The following CYSLTR2 variants were observed in gnomAD, a reference collection of about 807,000 sequenced individuals.
The protein encoded by CYSLTR2 is G-protein coupled receptor GPCR21.
For synonymous variants in CYSLTR2, 179 were observed against 160.8 expected (o/e 1.11, Z -0.86); for missense variants, 398 against 411.9 (o/e 0.97, Z 0.29).
rs57791346 is a variant in CYSLTR2 at position 48,668,234 on chromosome 13, TA to T, written c.-266+14229del. Among the ~76,000 whole-genome samples, 1,286 of 136,096 alleles carry T rather than the reference TA, an allele frequency of 9.4e-3. 14 individuals carry two copies. The highest frequency in any genetic ancestry group is 0.028 in the African/African-American group (1,050 of 37,276). 89.3% of individuals were successfully genotyped at this position (136,096 alleles called of 152,430 possible). On this transcript the variant is annotated intron_variant, in intron 1 of 4. Transcript: ENST00000682523. ...AGTTTTTATACAAGTGCCATAGGGATAAAAAAAAAAAAGAGAGACCCACGGG... is the reference window on the plus strand; with the variant it reads ...AGTTTTTATACAAGTGCCATAGGGATAAAAAAAAAAAGAGAGACCCACGGG...
At chr13:48,664,806 T>C (rs1953219687) in intron 1 of CYSLTR2, among the ~76,000 whole-genome samples, 2 of 152,070 alleles carry the variant, frequency 1.3e-5, no homozygotes, top group Middle Eastern at 6.8e-3. Context: ...TTTTTAAGTA[T>C]CAATTTTATA....
chr13:48,657,439 C>A (rs542057244), intron 1 of CYSLTR2, among the ~76,000 whole-genome samples: 2 of 149,538 alleles, frequency 1.3e-5, no homozygotes, highest in Non-Finnish European at 3.0e-5. Context: ...GGAGAGGTTT[C>A]AAAAAAGTAC....
chr13:48,673,626 AAG>A (rs1953511703), intron 1 of CYSLTR2, among the ~76,000 whole-genome samples: 1 of 151,956 alleles, frequency 6.6e-6, no homozygotes, highest in Non-Finnish European at 1.5e-5. Context: ...ATTTACATTT[AAG>A]GTTAATATTG....
rs138445904 is a variant in CYSLTR2 at position 48,671,785 on chromosome 13, G to A, written c.-266+17768G>A. Among the ~76,000 whole-genome samples the A allele has an allele frequency of 6.6e-4, 100 of 152,254 alleles. 1 individual carries two copies. The East Asian group carries it at 0.013, about 20-fold the overall frequency. On this transcript the variant is annotated intron_variant, in intron 1 of 4. Coordinates refer to ENST00000682523, the MANE Select transcript of CYSLTR2 (RefSeq NM_001308476.3). ...CAGGTTTTAGCATCAGGATGATGCT[G>A]GACTCATAAAATGAGTTAGGGAGAG...
intron 3 of CYSLTR2, among the ~76,000 whole-genome samples, chr13:48,694,411 T>A (rs1954114203): frequency 6.6e-6 from 1 of 152,210 alleles, no homozygotes; most frequent in Admixed American, 6.5e-5. Flanking sequence ...AGACAGATCA[T>A]AGAACAGATG....
rs1954579854 is a variant in CYSLTR2 at position 48,709,243 on chromosome 13, C to T, written c.*1385C>T. ...TTCCTACCAATTTCCTCCCCCTCCT[C>T]ACTCTCACAAGAAAACCAAAAGTTT... On this transcript the variant is annotated 3_prime_UTR_variant, in exon 5 of 5. Transcript: ENST00000682523. The T allele has an allele frequency of 6.0e-6, 1 of 167,104 alleles. No homozygotes were observed. Among genetic ancestry groups the T allele is most frequent in the Non-Finnish European group, 1.5e-5 (1 of 68,130 alleles). The allele number at this position is 167,104 out of a possible 1,614,324, so 10.4% of individuals were successfully genotyped here. A position where few individuals can be genotyped will look rare whatever the true frequency, so the allele number is the denominator to read the frequency against.
At position 48,674,444 on chromosome 13, in the gene CYSLTR2, T is replaced by G. The variant is rs1451646954; in HGVS notation, c.-265-16768T>G. Among the ~76,000 whole-genome samples, 3 of 152,232 alleles carry G rather than the reference T, an allele frequency of 2.0e-5. No individual in the cohort carries two copies. In the East Asian group the frequency reaches 5.8e-4, roughly 29 times the overall value. On this transcript the variant is annotated intron_variant, in intron 1 of 4. Coordinates refer to ENST00000682523, the MANE Select transcript of CYSLTR2 (RefSeq NM_001308476.3). ...GATACTTGTATATGCTTCATAAAGTTCTCGTGCTGTGTTCTTCAGCTCCAT... is the reference window on the plus strand; with the variant it reads ...GATACTTGTATATGCTTCATAAAGTGCTCGTGCTGTGTTCTTCAGCTCCAT...
chr13:48,661,571 C>G (rs1427427458), intron 1 of CYSLTR2, among the ~76,000 whole-genome samples: 1 of 151,706 alleles, frequency 6.6e-6, no homozygotes, highest in Non-Finnish European at 1.5e-5. Flanking sequence ...TGAGACAACT[C>G]ACATTTATTA....
At chr13:48,694,909 A>T (rs995291633) in intron 3 of CYSLTR2, 2 of 152,060 alleles carry the variant, frequency 1.3e-5, no homozygotes, top group African/African-American at 4.8e-5. Flanking sequence ...TTTGCAATCA[A>T]AATTGCAGGG....
chr13:48,665,345 G>T (rs1953234591), intron 1 of CYSLTR2, among the ~76,000 whole-genome samples: 1 of 152,032 alleles, frequency 6.6e-6, no homozygotes, highest in South Asian at 2.1e-4. Flanking sequence ...GGTGTATGGG[G>T]CCATTTAAAT....
chr13:48,691,842 A>G (rs115812789), intron 2 of CYSLTR2, among the ~76,000 whole-genome samples: 4,481 of 152,178 alleles, frequency 0.029, 237 homozygotes, highest in African/African-American at 0.1. Context: ...TTACTTAAAT[A>G]TAATTAACAG....
At chr13:48,694,597 G>A (rs540698961) in intron 3 of CYSLTR2, 6 of 152,178 alleles carry the variant, frequency 3.9e-5, no homozygotes, top group Non-Finnish European at 8.8e-5. Context: ...TCATTACTGA[G>A]TCAAGGGTAC....
intron 1 of CYSLTR2, among the ~76,000 whole-genome samples, chr13:48,668,404 G>A (rs1006252034): frequency 5.9e-5 from 9 of 152,162 alleles, no homozygotes; most frequent in Admixed American, 2.6e-4. Context: ...AGAGAGTGGC[G>A]TGAAAGGCAC....
chr13:48,705,202 C>A (rs957140094), intron 4 of CYSLTR2, among the ~76,000 whole-genome samples: 2 of 152,122 alleles, frequency 1.3e-5, no homozygotes, highest in African/African-American at 4.8e-5. Flanking sequence ...ATGTCATTTG[C>A]TTTGAAGTCC....
chr13:48,684,705 C>A lies in CYSLTR2; in HGVS notation c.-265-6507C>A, dbSNP rs766288386. On this transcript the variant is annotated intron_variant, in intron 1 of 4. Coordinates refer to ENST00000682523, the MANE Select transcript of CYSLTR2 (RefSeq NM_001308476.3). The stretch of plus-strand genomic sequence containing the variant: ...GTACCCCCAAACAATATGTCCAAGT[C>A]CTAACCCCAGGTACCTGTGAAAGTG... Among the ~76,000 whole-genome samples the A allele has an allele frequency of 3.8e-4, 58 of 152,138 alleles. No homozygotes were observed. In the Middle Eastern group the frequency reaches 0.017, roughly 45 times the overall value.
chr13:48,677,672 C>G (rs952749670), intron 1 of CYSLTR2, among the ~76,000 whole-genome samples: 1 of 152,134 alleles, frequency 6.6e-6, no homozygotes, highest in Non-Finnish European at 1.5e-5. Flanking sequence ...AAGTACACAT[C>G]CTCTCTCCCT....
At chr13:48,691,367 C>G (rs1954034302) in intron 2 of CYSLTR2, 66 bp downstream of exon 2, 3 of 152,018 alleles carry the variant, frequency 2.0e-5, no homozygotes, top group Admixed American at 6.6e-5. Flanking sequence ...TAGGGTGTTA[C>G]AGTGATGAAT....
intron 4 of CYSLTR2, among the ~76,000 whole-genome samples, chr13:48,703,207 G>C (rs1954395022): frequency 6.6e-6 from 1 of 152,132 alleles, no homozygotes; most frequent in Non-Finnish European, 1.5e-5. Context: ...GCACGTATGT[G>C]TATGTTTGTA....
rs961579509 is a variant in CYSLTR2, at chr13:48,671,988, C to G, written c.-266+17971C>G. On this transcript the variant is annotated intron_variant, in intron 1 of 4. Transcript: ENST00000682523. ...TTGTTATTGGTCTATTCAGGGATTC[C>G]ACTTCTTCCTGGTTTAGTCTTGGGA... Among the ~76,000 whole-genome samples, 5 of 151,834 alleles carry G rather than the reference C, an allele frequency of 3.3e-5. No individual in the cohort carries two copies. The South Asian group carries it at 8.3e-4, about 25-fold the overall frequency.
Sources: allele counts gnomAD v4.1 joint callset (sites outside exome capture counted in the v4.1 genomes callset), GRCh38; gene constraint gnomAD v4.1.1; transcripts MANE v1.5; gene names NCBI Gene and HGNC (gene_info 2026-07-23, HGNC 2026-07-21).